Variants in CWF19L2 observed in about 807,000 individuals in gnomAD.
CWF19L2 encodes the protein CWF19 like cell cycle control factor 2, also known as CWF19-like protein 2.
Under a neutral mutation model 111.7 loss-of-function variants are expected in CWF19L2, and 98 were observed. The observed-to-expected ratio is 0.88, with a 90% CI of 0.75 to 1.04. The LOEUF is 1.04. CWF19L2 is among the 50% of genes least tolerant of loss of function. The probability of loss-of-function intolerance (pLI) is 0.00; values close to 1 mark genes in which losing one functional copy is unlikely to be tolerated. For synonymous variants in CWF19L2, 351 were observed against 342.9 expected (o/e 1.02, Z -0.26); for missense variants, 1,101 against 1,051.4 (o/e 1.05, Z -0.65).
At chr11:107,359,851 T>A (rs1486733756) in intron 12 of CWF19L2, among the ~76,000 whole-genome samples, 1 of 152,214 alleles carries the variant, frequency 6.6e-6, no homozygotes, top group African/African-American at 2.4e-5. Context: ...CTCGCTGCTA[T>A]GACTCCTCAC....
intron 8 of CWF19L2, among the ~76,000 whole-genome samples, chr11:107,419,396 T>C (rs1046729420): frequency 9.9e-5 from 15 of 152,156 alleles, no homozygotes; most frequent in African/African-American, 3.6e-4. Flanking sequence ...TTCAAAAATG[T>C]CTAGCACTCA....
chr11:107,411,088 T>TACACACAC (rs1861150873), intron 10 of CWF19L2, among the ~76,000 whole-genome samples: 4 of 48,824 alleles, frequency 8.2e-5, no homozygotes, highest in African/African-American at 5.6e-4. Flanking sequence ...CGCGCGTGCG[T>TACACACAC]GCACACACAC....
intron 3 of CWF19L2, among the ~76,000 whole-genome samples, chr11:107,443,947 A>G (rs544338106): frequency 6.6e-6 from 1 of 151,888 alleles, no homozygotes; most frequent in South Asian, 2.1e-4. Flanking sequence ...TTTCCAGTTA[A>G]CTCCTCCTAT....
intron 12 of CWF19L2, among the ~76,000 whole-genome samples, chr11:107,357,509 A>C (rs1459153367): frequency 6.6e-6 from 1 of 152,236 alleles, no homozygotes; most frequent in Non-Finnish European, 1.5e-5. Flanking sequence ...AATGTTTTAT[A>C]CATGGAAGAT....
At chr11:107,343,346 C>T (rs1860032194) in intron 14 of CWF19L2, among the ~76,000 whole-genome samples, 1 of 151,300 alleles carries the variant, frequency 6.6e-6, no homozygotes, top group Admixed American at 6.6e-5. Flanking sequence ...TGGATTGACC[C>T]TTTCATCATT....
chr11:107,352,622 T>C (rs1443987850), intron 13 of CWF19L2, among the ~76,000 whole-genome samples: 1 of 152,134 alleles, frequency 6.6e-6, no homozygotes. Flanking sequence ...TTAGTTAAGA[T>C]GGATTTTTAA....
chr11:107,340,003 T>C (rs59049364), intron 14 of CWF19L2, among the ~76,000 whole-genome samples: 1,808 of 152,290 alleles, frequency 0.012, 40 homozygotes, highest in African/African-American at 0.041. Flanking sequence ...TGTTTTGACA[T>C]TCTAGATATA....
Position 107,433,761 on chromosome 11 carries a change from T to G in CWF19L2, c.665-12A>C, listed in dbSNP as rs903962384. ...TTCTACCACTGAAACTAAATTCCAG[T>G]ATTAAATATTAGTTATACTTTTAAT... On this transcript the variant is annotated splice_polypyrimidine_tract_variant and intron_variant, in intron 6 of 17. Transcript: ENST00000282251. The G allele has an allele frequency of 1.7e-5, 23 of 1,340,006 alleles. No individual in the cohort carries two copies. In the Middle Eastern group the frequency reaches 5.5e-4, roughly 32 times the overall value. 83.0% of individuals were successfully genotyped at this position (1,340,006 alleles called of 1,614,324 possible). A position where few individuals can be genotyped will look rare whatever the true frequency, so the allele number is the denominator to read the frequency against.
At chr11:107,422,455 G>C (rs1861315518) in intron 8 of CWF19L2, among the ~76,000 whole-genome samples, 1 of 152,032 alleles carries the variant, frequency 6.6e-6, no homozygotes. Flanking sequence ...AAGCAGGAGA[G>C]AGAGATTATA....
chr11:107,405,114 G>A (rs1245536547), intron 10 of CWF19L2, among the ~76,000 whole-genome samples: 1 of 152,196 alleles, frequency 6.6e-6, no homozygotes, highest in Non-Finnish European at 1.5e-5. Flanking sequence ...ATGGCTGGGG[G>A]AAATCAAAAC....
At chr11:107,435,753 A>C (rs1591203604) in intron 6 of CWF19L2, among the ~76,000 whole-genome samples, 2 of 152,180 alleles carry the variant, frequency 1.3e-5, no homozygotes, top group East Asian at 3.8e-4. Context: ...ATATTTAAAA[A>C]GCGAATAAAA....
chr11:107,411,985 C>T (rs1410927588), intron 10 of CWF19L2, among the ~76,000 whole-genome samples: 2 of 152,254 alleles, frequency 1.3e-5, no homozygotes, highest in East Asian at 3.9e-4. Context: ...GCTTGTGCTA[C>T]CAGGCTGTGG....
At chr11:107,452,058 T>C (rs1238142715) in intron 3 of CWF19L2, among the ~76,000 whole-genome samples, 1 of 152,174 alleles carries the variant, frequency 6.6e-6, no homozygotes, top group African/African-American at 2.4e-5. Flanking sequence ...CATTCAACAC[T>C]ATTTTTAAGT....
At chr11:107,401,282 GT>G (rs1415375980) in intron 10 of CWF19L2, among the ~76,000 whole-genome samples, 5 of 152,078 alleles carry the variant, frequency 3.3e-5, no homozygotes, top group Admixed American at 1.3e-4. Flanking sequence ...AACTGTCACT[GT>G]TTGCTGACGA....
chr11:107,382,037 C>A (rs967779310), intron 12 of CWF19L2, among the ~76,000 whole-genome samples: 1 of 152,004 alleles, frequency 6.6e-6, no homozygotes, highest in Non-Finnish European at 1.5e-5. Context: ...AAAATTACTG[C>A]CCACAGTCTC....
intron 10 of CWF19L2, among the ~76,000 whole-genome samples, chr11:107,410,838 C>T (rs1861146222): frequency 6.6e-6 from 1 of 152,130 alleles, no homozygotes; most frequent in Non-Finnish European, 1.5e-5. Flanking sequence ...GCTCCTTTTG[C>T]TTGCCTAAGA....
At chr11:107,382,202 C>T (rs1162872492) in intron 12 of CWF19L2, among the ~76,000 whole-genome samples, 1 of 152,120 alleles carries the variant, frequency 6.6e-6, no homozygotes, top group Admixed American at 6.6e-5. Context: ...AAGAGCAAAG[C>T]ATACACAGCT....
intron 12 of CWF19L2, among the ~76,000 whole-genome samples, chr11:107,354,822 G>A (rs1860211994): frequency 6.6e-6 from 1 of 152,158 alleles, no homozygotes; most frequent in African/African-American, 2.4e-5. Flanking sequence ...CTGACAGGCT[G>A]TCTCATCAGT....
chr11:107,421,486 T>C (rs1301670692), intron 8 of CWF19L2, among the ~76,000 whole-genome samples: 2 of 152,094 alleles, frequency 1.3e-5, no homozygotes, highest in Admixed American at 6.6e-5. Flanking sequence ...GATAAACCTA[T>C]AGCCTGCCTG....
Sources: gnomAD v4.1 joint callset for allele counts (sites outside exome capture counted in the v4.1 genomes callset) on GRCh38, gnomAD v4.1.1 for gene constraint, MANE v1.5 for transcripts, NCBI Gene and HGNC (gene_info 2026-07-23, HGNC 2026-07-21) for gene names.